Variants in NCAM2 observed in about 807,000 individuals in gnomAD.
NCAM2 encodes the protein N-CAM-2.
NCAM2 carries 30 observed loss-of-function variants against 98.1 expected under a neutral mutation model. The observed-to-expected ratio is 0.31, with a 90% CI of 0.23 to 0.41. NCAM2 has a LOEUF of 0.41. NCAM2 is among the 10% of genes least tolerant of loss of function. The pLI is 1.00. For synonymous variants in NCAM2, 368 were observed against 342.4 expected, an observed-to-expected ratio of 1.07 and a Z score of -0.83; for missense variants, 867 against 1,005.8, an observed-to-expected ratio of 0.86 and a Z score of 1.87.
intron 5 of NCAM2, among the ~76,000 whole-genome samples, chr21:21,301,052 T>A (rs13051374): frequency 0.42 from 63,947 of 151,866 alleles, 14,699 homozygotes; most frequent in Non-Finnish European, 0.53. Context: ...TATTTGTTCG[T>A]GTCCTTTGCC....
In NCAM2 at chr21:21,086,898, G is replaced by A. The variant is rs114271051; in HGVS notation, c.55+88280G>A. On this transcript the variant is annotated intron_variant, in intron 1 of 17. Transcript: ENST00000400546. The stretch of plus-strand genomic sequence containing the variant: ...CAATTTTATTCAGTGTACTTATTAT[G>A]TCTTGCTAGGATTTTTTCAAATTGA... 4.0e-3 allele frequency among the ~76,000 whole-genome samples: 598 copies of A among 151,074 alleles called. 7 individuals are homozygous for A. Among genetic ancestry groups the A allele is most frequent in the African/African-American group, 0.014 (561 of 41,172 alleles).
rs570822276 is a variant in NCAM2, at chr21:21,541,440, A to G, written c.*3483A>G. On this transcript the variant is annotated 3_prime_UTR_variant, in exon 18 of 18. Transcript: ENST00000400546. ...CATGTCAAAACAATTCTTTTTATACACACACATGAAATATTCTTAATCTGT... is the reference window on the plus strand; with the variant it reads ...CATGTCAAAACAATTCTTTTTATACGCACACATGAAATATTCTTAATCTGT... 1 of 151,756 alleles carries G rather than the reference A, an allele frequency of 6.6e-6. No homozygotes were observed. Among genetic ancestry groups the G allele is most frequent in the South Asian group, 2.1e-4 (1 of 4,810 alleles). 9.4% of individuals were successfully genotyped at this position (151,756 alleles called of 1,614,324 possible).
At chr21:21,139,515 C>G (rs1459090685) in intron 1 of NCAM2, among the ~76,000 whole-genome samples, 1 of 152,106 alleles carries the variant, frequency 6.6e-6, no homozygotes, top group Non-Finnish European at 1.5e-5. Flanking sequence ...TTATAGAATA[C>G]AAGGAGAAAA....
intron 8 of NCAM2, among the ~76,000 whole-genome samples, chr21:21,350,626 C>T (rs1418265132): frequency 2.0e-5 from 3 of 152,040 alleles, no homozygotes; most frequent in Non-Finnish European, 4.4e-5. Flanking sequence ...CCTTCAAAAA[C>T]AACAGAATTC....
At chr21:21,261,961 A>G (rs2147349748) in intron 1 of NCAM2, among the ~76,000 whole-genome samples, 1 of 152,280 alleles carries the variant, frequency 6.6e-6, no homozygotes, top group African/African-American at 2.4e-5. Context: ...ATAGATGGCT[A>G]GCTAGATTAA....
At chr21:21,231,379 G>C (rs73896616) in intron 1 of NCAM2, among the ~76,000 whole-genome samples, 2,287 of 151,314 alleles carry the variant, frequency 0.015, 65 homozygotes, top group African/African-American at 0.052. Context: ...TCATTATCAT[G>C]TACTTCCTGG....
chr21:21,382,360 C>T (rs1188662778), intron 9 of NCAM2, among the ~76,000 whole-genome samples: 1 of 152,070 alleles, frequency 6.6e-6, no homozygotes, highest in Non-Finnish European at 1.5e-5. Context: ...GTTTCACAGG[C>T]TCATGATATA....
intron 1 of NCAM2, among the ~76,000 whole-genome samples, chr21:21,133,747 C>T (rs1462542100): frequency 6.6e-6 from 1 of 152,140 alleles, no homozygotes; most frequent in Non-Finnish European, 1.5e-5. Context: ...GTTGCTGCCT[C>T]GACCCTGATC....
At chr21:21,304,491 C>T (rs1241925149) in intron 5 of NCAM2, among the ~76,000 whole-genome samples, 1 of 151,986 alleles carries the variant, frequency 6.6e-6, no homozygotes, top group South Asian at 2.1e-4. Flanking sequence ...TTTACACCAA[C>T]AAAAGCCGTT....
chr21:21,386,797 A>G lies in NCAM2; in HGVS notation c.1195+12784A>G, dbSNP rs118020832. 6.6e-3 allele frequency among the ~76,000 whole-genome samples: 998 copies of G among 152,304 alleles called. 9 individuals are homozygous for G. Among genetic ancestry groups the G allele is most frequent in the Non-Finnish European group, 0.011 (758 of 68,022 alleles). The stretch of plus-strand genomic sequence containing the variant: ...TTTAAGGAACTTTAGGAAATATTCA[A>G]TCCTTGAGATGATAAGCCTTAGAAG... On this transcript the variant is annotated intron_variant, in intron 9 of 17. Coordinates refer to ENST00000400546, the MANE Select transcript of NCAM2 (RefSeq NM_004540.5).
At chr21:21,281,547 A>G (rs1427653475) in intron 2 of NCAM2, among the ~76,000 whole-genome samples, 1 of 152,152 alleles carries the variant, frequency 6.6e-6, no homozygotes, top group Non-Finnish European at 1.5e-5. Flanking sequence ...TTTTCTTTCC[A>G]AAGAAATTTA....
rs146149188 is a variant in NCAM2, at chr21:21,150,920, A to C, written c.56-129658A>C. On this transcript the variant is annotated intron_variant, in intron 1 of 17. Transcript: ENST00000400546. ...GATGCTATTTTTTCTTAAATGGTTG[A>C]CAAAATTTATGGGCTATGTCATCTT... 2.3e-3 allele frequency among the ~76,000 whole-genome samples: 354 copies of C among 151,966 alleles called. 5 individuals are homozygous for C. Among genetic ancestry groups the C allele is most frequent in the African/African-American group, 8.3e-3 (346 of 41,514 alleles).
chr21:21,520,871 A>T (rs1332960513), intron 16 of NCAM2, among the ~76,000 whole-genome samples: 3 of 151,470 alleles, frequency 2.0e-5, no homozygotes, highest in Non-Finnish European at 4.4e-5. Flanking sequence ...TGTGAGTTGA[A>T]AACTCCAGGA....
chr21:21,416,241 G>A (rs542750535), intron 10 of NCAM2, among the ~76,000 whole-genome samples: 3 of 152,274 alleles, frequency 2.0e-5, no homozygotes, highest in African/African-American at 7.2e-5. Flanking sequence ...AGTCAGTGGA[G>A]CAATCAGAAC....
intron 1 of NCAM2, among the ~76,000 whole-genome samples, chr21:21,021,376 G>A (rs1441065771): frequency 1.3e-5 from 2 of 152,058 alleles, no homozygotes; most frequent in Non-Finnish European, 2.9e-5. Flanking sequence ...GACTTTTTTG[G>A]TTCTCAGCTT....
chr21:21,402,314 G>A (rs1384710726), intron 9 of NCAM2, among the ~76,000 whole-genome samples: 1 of 152,088 alleles, frequency 6.6e-6, no homozygotes, highest in African/African-American at 2.4e-5. Context: ...CCTGGGGGGA[G>A]GTCTATAAAC....
intron 1 of NCAM2, among the ~76,000 whole-genome samples, chr21:21,270,321 G>A (rs1032632832): frequency 2.6e-5 from 4 of 152,074 alleles, no homozygotes; most frequent in South Asian, 4.1e-4. Flanking sequence ...TGTACTCAGG[G>A]CCTAACTACC....
At chr21:21,327,388 GC>G (rs140296328) in intron 6 of NCAM2, among the ~76,000 whole-genome samples, 2,580 of 151,806 alleles carry the variant, frequency 0.017, 77 homozygotes, top group African/African-American at 0.059. Context: ...CAGCAGGGTG[GC>G]CTTCCCTCTG....
At chr21:21,081,939 A>G (rs2065810657) in intron 1 of NCAM2, among the ~76,000 whole-genome samples, 1 of 152,094 alleles carries the variant, frequency 6.6e-6, no homozygotes, top group Admixed American at 6.6e-5. Flanking sequence ...GTAATTTCTA[A>G]TTTAAAAAAA....
Sources: allele counts gnomAD v4.1 joint callset (sites outside exome capture counted in the v4.1 genomes callset), GRCh38; gene constraint gnomAD v4.1.1; transcripts MANE v1.5; gene names NCBI Gene and HGNC (gene_info 2026-07-23, HGNC 2026-07-21).